PRIM2: variants seen among roughly 807,000 people sequenced by gnomAD.
The protein encoded by PRIM2 is DNA primase subunit 2, also known as DNA primase large subunit.
Under a neutral mutation model 67.3 loss-of-function variants are expected in PRIM2, and 39 were observed. The ratio of observed to expected loss-of-function variants is 0.58; its 90% CI spans 0.45 to 0.76. The LOEUF is 0.76. Among genes scored for constraint, PRIM2 ranks in the 30% least tolerant of loss-of-function variants. The pLI, the probability that PRIM2 is intolerant of heterozygous loss-of-function variation, is 0.00. For missense variants in PRIM2, 398 were observed against 598.7 expected, an observed-to-expected ratio of 0.66 and a Z score of 3.50; for synonymous variants, 143 against 198.7, an observed-to-expected ratio of 0.72 and a Z score of 2.36.
At chr6:57,242,208 C>CT in the PRIM2 span, among the ~76,000 whole-genome samples, 2 of 152,148 alleles carry the variant, frequency 1.3e-5, no homozygotes, top group Non-Finnish European at 2.9e-5. Flanking sequence ...ATAATTCTTT[C>CT]TTTCTTCCAG....
At chr6:57,522,042 A>G (rs1390060148) in intron 8 of PRIM2, among the ~76,000 whole-genome samples, 4 of 151,536 alleles carry the variant, frequency 2.6e-5, no homozygotes, top group East Asian at 1.9e-4. Context: ...GCAGATAAAC[A>G]TGTCACAGCT....
intron 7 of PRIM2, among the ~76,000 whole-genome samples, chr6:57,459,547 C>A (rs1167180628): frequency 6.6e-6 from 1 of 152,124 alleles, no homozygotes; most frequent in African/African-American, 2.4e-5. Context: ...AACTAGACCA[C>A]ACTACAACAT....
At chr6:57,270,041 G>A in the PRIM2 span, among the ~76,000 whole-genome samples, 1 of 152,098 alleles carries the variant, frequency 6.6e-6, no homozygotes, top group Non-Finnish European at 1.5e-5. Flanking sequence ...TAGCCTTGTA[G>A]TATAGTTTGA....
intron 7 of PRIM2, among the ~76,000 whole-genome samples, chr6:57,440,445 G>C (rs1415872898): frequency 6.6e-6 from 1 of 152,112 alleles, no homozygotes; most frequent in Non-Finnish European, 1.5e-5. Context: ...ATTATTTGTT[G>C]AGAGCAAGAG....
the PRIM2 span, among the ~76,000 whole-genome samples, chr6:57,300,441 TCGTGTGTGTGTATGTG>T: frequency 1.3e-5 from 2 of 152,034 alleles, no homozygotes; most frequent in African/African-American, 4.8e-5. Flanking sequence ...CTGTATGAGC[TCGTGTGTGTGTATGTG>T]CGTGTGTGTG....
intron 8 of PRIM2, among the ~76,000 whole-genome samples, chr6:57,527,321 G>C (rs1774777724): frequency 6.6e-6 from 1 of 152,140 alleles, no homozygotes; most frequent in African/African-American, 2.4e-5. Context: ...TTTATCTTGT[G>C]GAAAGTGAAA....
intron 5 of PRIM2, among the ~76,000 whole-genome samples, chr6:57,329,315 A>G (rs1767975355): frequency 6.6e-6 from 1 of 152,016 alleles, no homozygotes; most frequent in African/African-American, 2.4e-5. Context: ...GTTAATTTCT[A>G]TACACGGTGT....
At chr6:57,262,166 A>G in the PRIM2 span, among the ~76,000 whole-genome samples, 1 of 152,300 alleles carries the variant, frequency 6.6e-6, no homozygotes, top group South Asian at 2.1e-4. Flanking sequence ...TTTCTGATTC[A>G]GTCACTTACA....
intron 5 of PRIM2, among the ~76,000 whole-genome samples, chr6:57,360,720 T>C (rs1184053795): frequency 5.3e-5 from 8 of 152,168 alleles, no homozygotes; most frequent in Non-Finnish European, 1.0e-4. Context: ...AGAAACAAAG[T>C]GAACAAGATA....
intron 12 of PRIM2, among the ~76,000 whole-genome samples, chr6:57,618,180 C>G: frequency 6.6e-6 from 1 of 152,188 alleles, no homozygotes; most frequent in South Asian, 2.1e-4. Flanking sequence ...ATGGAATCTT[C>G]CAATTTTGTT....
At chr6:57,488,640 C>A (rs1281357313) in intron 7 of PRIM2, among the ~76,000 whole-genome samples, 1 of 152,214 alleles carries the variant, frequency 6.6e-6, no homozygotes, top group African/African-American at 2.4e-5. Context: ...CACCTACTGT[C>A]AGGAGCAGCA....
At chr6:57,294,561 A>G in the PRIM2 span, among the ~76,000 whole-genome samples, 1 of 151,856 alleles carries the variant, frequency 6.6e-6, no homozygotes, top group Non-Finnish European at 1.5e-5. Context: ...GCATGTATAT[A>G]TTTATACATA....
rs1191273010 is a variant in PRIM2 at position 57,539,198 on chromosome 6, A to G, written c.1020+1573A>G. On this transcript the variant is annotated intron_variant, in intron 10 of 13. Transcript: ENST00000615550. ...ATTTCTTTTAAAGGTAATTTATTCT[A>G]ATTATAGAAAATATGAAAAATACAG... 1.4e-3 allele frequency among the ~76,000 whole-genome samples: 213 copies of G among 152,242 alleles called. 5 individuals carry two copies. The East Asian group carries it at 0.019, about 14-fold the overall frequency.
Position 57,569,944 on chromosome 6 carries a change from A to G in PRIM2, c.1021-31149A>G, listed in dbSNP as rs1428193309. Among the ~76,000 whole-genome samples, 93 of 152,112 alleles carry G rather than the reference A, an allele frequency of 6.1e-4. 1 individual carries two copies. Among genetic ancestry groups the G allele is most frequent in the African/African-American group, 2.1e-3 (86 of 41,490 alleles). ...TTTTTAGTAGAGACAGGGTTTCACT[A>G]TGTTAGCCAGGATGGTCTCGATCTC... is the stretch of plus-strand genomic sequence containing the variant. On this transcript the variant is annotated intron_variant, in intron 10 of 13. Transcript: ENST00000615550.
chr6:57,357,256 G>A (rs1469790667), intron 5 of PRIM2, among the ~76,000 whole-genome samples: 2 of 152,068 alleles, frequency 1.3e-5, no homozygotes, highest in Non-Finnish European at 2.9e-5. Context: ...TTACCCTGAA[G>A]CAAGAGTGCA....
chr6:57,260,942 T>C, the PRIM2 span, among the ~76,000 whole-genome samples: 2 of 152,136 alleles, frequency 1.3e-5, no homozygotes, highest in African/African-American at 4.8e-5. Context: ...CAAGCCAGGC[T>C]AAAAAGTGGA....
chr6:57,400,836 A>C (rs1366766758), intron 7 of PRIM2, among the ~76,000 whole-genome samples: 5 of 151,982 alleles, frequency 3.3e-5, no homozygotes, highest in African/African-American at 1.2e-4. Flanking sequence ...TTTTTGTCTG[A>C]CTGTCTTATT....
chr6:57,302,662 A>T, the PRIM2 span, among the ~76,000 whole-genome samples: 2 of 152,176 alleles, frequency 1.3e-5, no homozygotes, highest in African/African-American at 4.8e-5. Flanking sequence ...TATTTGGAAG[A>T]GTGCCTTATA....
intron 12 of PRIM2, among the ~76,000 whole-genome samples, chr6:57,612,379 T>C (rs1776683190): frequency 6.6e-6 from 1 of 152,240 alleles, no homozygotes; most frequent in Admixed American, 6.5e-5. Context: ...AATTGTGGTA[T>C]AGTCATACAA....
Sources: gnomAD v4.1 joint callset for allele counts (sites outside exome capture counted in the v4.1 genomes callset) on GRCh38, gnomAD v4.1.1 for gene constraint, MANE v1.5 for transcripts, NCBI Gene and HGNC (gene_info 2026-07-23, HGNC 2026-07-21) for gene names.